Variants in DPP6 observed in about 807,000 individuals in gnomAD.
DPP6 encodes the protein dipeptidyl peptidase like 6.
DPP6 carries 69 observed loss-of-function variants against 122.6 expected under a neutral mutation model. The observed-to-expected ratio is 0.56, with a 90% confidence interval of 0.46 to 0.69. The LOEUF is 0.69. Ranked by LOEUF, DPP6 falls within the 30% of genes least tolerant of loss-of-function variation. DPP6 has a pLI of 0.00. For synonymous variants in DPP6, 418 were observed against 433.1 expected (o/e 0.97, Z 0.43); for missense variants, 928 against 1,116.9 (o/e 0.83, Z 2.41).
chr7:154,028,679 C>T (rs1445187619), intron 1 of DPP6, among the ~76,000 whole-genome samples: 1 of 152,164 alleles, frequency 6.6e-6, no homozygotes, highest in Non-Finnish European at 1.5e-5. Flanking sequence ...TGGATATCTG[C>T]CCTGAAGAAG....
intron 1 of DPP6, among the ~76,000 whole-genome samples, chr7:153,888,227 C>G (rs1297444699): frequency 2.0e-5 from 3 of 152,210 alleles, no homozygotes; most frequent in Non-Finnish European, 4.4e-5. Flanking sequence ...GCGCCAGTCG[C>G]TCCGCTCCGT....
the DPP6 span, among the ~76,000 whole-genome samples, chr7:153,777,853 G>A: frequency 6.9e-6 from 1 of 144,950 alleles, no homozygotes; most frequent in Non-Finnish European, 1.5e-5. Flanking sequence ...CAAAATATAC[G>A]AAATTGTACA....
chr7:154,381,046 C>G (rs529825251), intron 1 of DPP6, among the ~76,000 whole-genome samples: 1 of 152,182 alleles, frequency 6.6e-6, no homozygotes, highest in Non-Finnish European at 1.5e-5. Flanking sequence ...ACATCCTGCC[C>G]TGGGCGTGGG....
the DPP6 span, among the ~76,000 whole-genome samples, chr7:153,766,477 C>T: frequency 1.3e-5 from 2 of 152,184 alleles, no homozygotes; most frequent in East Asian, 1.9e-4. Context: ...TTGTTTGTGC[C>T]TGTATTTTCC....
intron 3 of DPP6, among the ~76,000 whole-genome samples, chr7:154,478,474 T>C (rs1822950776): frequency 2.0e-5 from 3 of 152,180 alleles, no homozygotes; most frequent in Admixed American, 2.0e-4. Flanking sequence ...CATAACATCA[T>C]CATCAAGATC....
intron 1 of DPP6, among the ~76,000 whole-genome samples, chr7:154,432,098 T>TA (rs534394785): frequency 6.0e-4 from 91 of 152,298 alleles, no homozygotes; most frequent in Middle Eastern, 3.4e-3. Flanking sequence ...GGGTCCAAAA[T>TA]AATTCAAAGA....
chr7:153,991,243 C>T (rs2129042384), intron 1 of DPP6, among the ~76,000 whole-genome samples: 1 of 151,888 alleles, frequency 6.6e-6, no homozygotes, highest in South Asian at 2.1e-4. Context: ...TGGCCTGCCT[C>T]TCTCATTGGG....
intron 1 of DPP6, among the ~76,000 whole-genome samples, chr7:154,001,575 T>C (rs1219260554): frequency 1.1e-4 from 17 of 152,184 alleles, no homozygotes; most frequent in Admixed American, 3.9e-4. Flanking sequence ...TGGCAGTTTA[T>C]AAATCTTTCC....
chr7:154,859,457 G>A (rs967404105), intron 17 of DPP6, among the ~76,000 whole-genome samples: 1 of 152,360 alleles, frequency 6.6e-6, no homozygotes, highest in South Asian at 2.1e-4. Flanking sequence ...GGCTCTGGAA[G>A]GCTGGGACCC....
intron 8 of DPP6, among the ~76,000 whole-genome samples, chr7:154,741,171 G>A (rs1343229973): frequency 6.6e-6 from 1 of 152,228 alleles, no homozygotes; most frequent in Non-Finnish European, 1.5e-5. Context: ...GGCAGAGGCT[G>A]TCCTGGGAAG....
At chr7:154,374,347 C>T (rs1196428080) in intron 1 of DPP6, among the ~76,000 whole-genome samples, 2 of 152,124 alleles carry the variant, frequency 1.3e-5, no homozygotes, top group East Asian at 3.9e-4. Flanking sequence ...AAGTGTCTGC[C>T]CTCCCCTGGA....
upstream of DPP6, among the ~76,000 whole-genome samples, chr7:153,882,462 A>T (rs1007405839): frequency 6.6e-6 from 1 of 152,258 alleles, no homozygotes; most frequent in Non-Finnish European, 1.5e-5. Context: ...ATAAGCAACA[A>T]GAAAATAACA....
At chr7:154,320,001 A>AATATATATATATAT (rs71182894) in intron 1 of DPP6, among the ~76,000 whole-genome samples, 1,395 of 138,962 alleles carry the variant, frequency 0.01, 22 homozygotes, top group African/African-American at 0.029. Flanking sequence ...AAATATTTCA[A>AATATATATATATAT]ATATATATAT....
chr7:154,033,827 C>T (rs1300298613), intron 1 of DPP6, among the ~76,000 whole-genome samples: 1 of 145,914 alleles, frequency 6.9e-6, no homozygotes, highest in East Asian at 2.0e-4. Context: ...GGTGCCCACT[C>T]CTCTGCACAC....
chr7:154,753,583 G>C (rs1843507080), intron 8 of DPP6, among the ~76,000 whole-genome samples: 1 of 152,180 alleles, frequency 6.6e-6, no homozygotes, highest in Admixed American at 6.5e-5. Flanking sequence ...TCTGGGTGTG[G>C]GGCAGGATGA....
intron 1 of DPP6, among the ~76,000 whole-genome samples, chr7:153,912,725 AG>A (rs1800143865): frequency 6.6e-6 from 1 of 152,124 alleles, no homozygotes; most frequent in South Asian, 2.1e-4. Flanking sequence ...ATTTTTCTTA[AG>A]GGGGAGAAAA....
At position 153,974,552 on chromosome 7, in the gene DPP6, A is replaced by G. The variant is rs571056067; in HGVS notation, c.51+86818A>G. On this transcript the variant is annotated intron_variant, in intron 1 of 25. Transcript: ENST00000404039. The stretch of plus-strand genomic sequence containing the variant: ...AGAAAGAGGGGAACAGAAAAAGTCA[A>G]ATACAAACACAAGAGTATTCCAGTT... Among the ~76,000 whole-genome samples, 8 of 152,244 alleles carry G rather than the reference A, an allele frequency of 5.3e-5. No individual in the cohort carries two copies. In the East Asian group the frequency reaches 1.5e-3, roughly 29 times the overall value.
chr7:154,404,211 A>C (rs903867265), intron 1 of DPP6, among the ~76,000 whole-genome samples: 2 of 152,228 alleles, frequency 1.3e-5, no homozygotes, highest in African/African-American at 4.8e-5. Flanking sequence ...CTCCCTCTGC[A>C]TAGGACTGTA....
At chr7:154,032,510 C>T (rs575487306) in intron 1 of DPP6, among the ~76,000 whole-genome samples, 183 of 152,208 alleles carry the variant, frequency 1.2e-3, no homozygotes, top group African/African-American at 4.3e-3. Context: ...GCCCAGACAG[C>T]CATTTCCCTG....
Sources: gnomAD v4.1 joint callset for allele counts (sites outside exome capture counted in the v4.1 genomes callset) on GRCh38, gnomAD v4.1.1 for gene constraint, MANE v1.5 for transcripts, NCBI Gene and HGNC (gene_info 2026-07-23, HGNC 2026-07-21) for gene names.